The following SPAM1 variants were observed in gnomAD, a reference collection of about 807,000 sequenced individuals.
SPAM1 encodes hyaluronidase PH-20.
SPAM1 carries 22 observed loss-of-function variants against 29.6 expected under a neutral mutation model. That is an observed-to-expected ratio of 0.74 (90% CI 0.53 to 1.06). SPAM1 has a LOEUF of 1.06. Ranked by LOEUF, SPAM1 falls within the 50% of genes least tolerant of loss-of-function variation. SPAM1 has a pLI of 0.00. For synonymous variants in SPAM1, 194 were observed against 204.6 expected, an observed-to-expected ratio of 0.95 and a Z score of 0.44; for missense variants, 534 against 604.0, an observed-to-expected ratio of 0.88 and a Z score of 1.21.
intron 3 of SPAM1, 22 bp downstream of exon 3, chr7:123,954,546 G>A (rs1355220582): frequency 6.9e-7 from 1 of 1,445,062 alleles, no homozygotes; most frequent in Non-Finnish European, 9.4e-7. Context: ...AGGGTATGAG[G>A]GCTAGGAAAT....
chr7:123,962,647 T>A (rs1006077401), downstream of SPAM1, among the ~76,000 whole-genome samples: 2 of 151,922 alleles, frequency 1.3e-5, no homozygotes, highest in African/African-American at 4.8e-5. Context: ...TAGCTTCAGG[T>A]CTTAACATTT....
intron 1 of SPAM1, among the ~76,000 whole-genome samples, chr7:123,927,585 A>G (rs941419375): frequency 1.3e-5 from 2 of 152,156 alleles, no homozygotes; most frequent in South Asian, 2.1e-4. Context: ...GAGATATCTC[A>G]TGTTCTTAGC....
chr7:123,959,168 C>T (rs550219953), intron 4 of SPAM1, among the ~76,000 whole-genome samples: 2 of 152,008 alleles, frequency 1.3e-5, no homozygotes, highest in African/African-American at 2.4e-5. Flanking sequence ...AGAGAACATA[C>T]TCTAACACAC....
chr7:123,942,060 A>G (rs1271928048), intron 1 of SPAM1, among the ~76,000 whole-genome samples: 2 of 152,234 alleles, frequency 1.3e-5, no homozygotes, highest in African/African-American at 4.8e-5. Context: ...GTAGGCTGGT[A>G]TGAAAGTGGT....
intron 1 of SPAM1, chr7:123,932,546 C>G (rs1204138098): frequency 1.3e-5 from 2 of 152,580 alleles, no homozygotes; most frequent in East Asian, 3.9e-4. Context: ...AAAAAGTGTA[C>G]AAGACCCTAA....
At chr7:123,950,195 T>C (rs1309760020) in intron 2 of SPAM1, among the ~76,000 whole-genome samples, 2 of 152,118 alleles carry the variant, frequency 1.3e-5, no homozygotes, top group African/African-American at 4.8e-5. Context: ...GAGGATAAGG[T>C]TCTCTATTAG....
At chr7:123,971,247 C>T (rs1239007622) in exon 7 of SPAM1, 3 of 152,088 alleles carry the variant, frequency 2.0e-5, no homozygotes, top group Non-Finnish European at 4.4e-5. Flanking sequence ...ATGTACACAG[C>T]TTATTTTATT....
At chr7:123,965,712 G>C (rs549357967) in intron 5 of SPAM1, among the ~76,000 whole-genome samples, 3 of 151,990 alleles carry the variant, frequency 2.0e-5, no homozygotes, top group Non-Finnish European at 4.4e-5. Context: ...TAGCCTTGTT[G>C]TATAGTTTGA....
downstream of SPAM1, among the ~76,000 whole-genome samples, chr7:123,960,681 AC>A (rs1257510397): frequency 2.0e-5 from 3 of 151,324 alleles, no homozygotes; most frequent in Non-Finnish European, 4.4e-5. Flanking sequence ...CTTTCCCCAT[AC>A]CCCCCTAGAA....
rs1808707416 is a variant in SPAM1, at chr7:123,949,988, G to A, written c.-207+5G>A. On this transcript the variant is annotated splice_donor_5th_base_variant and intron_variant, in intron 2 of 4. Coordinates refer to ENST00000682466, the MANE Select transcript of SPAM1 (RefSeq NM_153189.3). ...ATTTTGAAAGCAGACTTCTGGGTAA[G>A]TGTCATTGTTTGGGTTTGGGGGATA... 6.6e-6 allele frequency: 1 copy of A among 152,060 alleles called. No homozygotes were observed. Among genetic ancestry groups the A allele is most frequent in the Non-Finnish European group, 1.5e-5 (1 of 67,994 alleles). The allele number at this position is 152,060 out of a possible 1,614,324, so 9.4% of individuals were successfully genotyped here.
chr7:123,936,052 C>T (rs1237570201), intron 1 of SPAM1, among the ~76,000 whole-genome samples: 1 of 152,190 alleles, frequency 6.6e-6, no homozygotes, highest in Non-Finnish European at 1.5e-5. Context: ...GTGTTCTCAA[C>T]TACTCTCTGT....
Position 123,959,466 on chromosome 7 carries a change from C to T in SPAM1, c.1045-18C>T, listed in dbSNP as rs1792317369. 1 of 1,534,772 alleles carries T rather than the reference C, an allele frequency of 6.5e-7. No individual in the cohort carries two copies. Among genetic ancestry groups the T allele is most frequent in the Non-Finnish European group, 8.9e-7 (1 of 1,128,782 alleles). ...ACTTGTCCTTTGATATTCTGACTGTCTTATAATAATTTTACAGAAATCTTG... is the reference window on the plus strand; with the variant it reads ...ACTTGTCCTTTGATATTCTGACTGTTTTATAATAATTTTACAGAAATCTTG... On this transcript the variant is annotated intron_variant, in intron 4 of 4. Coordinates refer to ENST00000682466, the MANE Select transcript of SPAM1 (RefSeq NM_153189.3).
intron 1 of SPAM1, among the ~76,000 whole-genome samples, chr7:123,943,722 T>G (rs1330466226): frequency 6.6e-6 from 1 of 152,134 alleles, no homozygotes; most frequent in African/African-American, 2.4e-5. Flanking sequence ...AAATATAAAA[T>G]GTTTAGAACC....
chr7:123,957,706 TAGG>T (rs1792277846), intron 4 of SPAM1, among the ~76,000 whole-genome samples: 2 of 152,054 alleles, frequency 1.3e-5, no homozygotes, highest in African/African-American at 4.8e-5. Context: ...AATTCCTTTC[TAGG>T]AGAAGATACT....
At chr7:123,951,079 G>A (rs1808747822) in intron 2 of SPAM1, among the ~76,000 whole-genome samples, 1 of 151,992 alleles carries the variant, frequency 6.6e-6, no homozygotes, top group South Asian at 2.1e-4. Flanking sequence ...GCCTGTTAGT[G>A]TCCTTTGCCC....
At position 123,942,584 on chromosome 7, in the gene SPAM1, A is replaced by G. The variant is rs967595611; in HGVS notation, c.-318-7288A>G. 3.9e-5 allele frequency among the ~76,000 whole-genome samples: 6 copies of G among 152,308 alleles called. No individual in the cohort carries two copies. In the South Asian group the frequency reaches 1.2e-3, roughly 32 times the overall value. ...ATTGGCTTTGCTGAAACTTTATTCC[A>G]TAAGGATTCTCAGATTTGACTTTAA... On this transcript the variant is annotated intron_variant, in intron 1 of 4. Transcript: ENST00000682466.
chr7:123,965,676 C>T (rs1424605869), intron 5 of SPAM1, among the ~76,000 whole-genome samples: 5 of 152,012 alleles, frequency 3.3e-5, no homozygotes, highest in Admixed American at 1.3e-4. Flanking sequence ...TTATTTTGTA[C>T]CAGTGCAATG....
At chr7:123,933,047 ATTTTAT>A (rs1187918816) in intron 1 of SPAM1, among the ~76,000 whole-genome samples, 1 of 151,360 alleles carries the variant, frequency 6.6e-6, no homozygotes, top group African/African-American at 2.4e-5. Context: ...AATATTATTT[ATTTTAT>A]TTTTTTTTTT....
chr7:123,943,387 A>G (rs1295586938), intron 1 of SPAM1, among the ~76,000 whole-genome samples: 4 of 152,192 alleles, frequency 2.6e-5, no homozygotes, highest in African/African-American at 7.2e-5. Context: ...GTCTTAGAAC[A>G]GTCATAGTTA....
Sources: allele counts gnomAD v4.1 joint callset (sites outside exome capture counted in the v4.1 genomes callset), GRCh38; gene constraint gnomAD v4.1.1; transcripts MANE v1.5; gene names NCBI Gene and HGNC (gene_info 2026-07-23, HGNC 2026-07-21).